Variants in SORCS1 observed in about 807,000 individuals in gnomAD.
The protein encoded by SORCS1 is VPS10 domain-containing receptor SorCS1.
In SORCS1, 60 loss-of-function variants were observed where a neutral mutation model predicts 146.1. The ratio of observed to expected loss-of-function variants is 0.41; its 90% confidence interval spans 0.33 to 0.51. The LOEUF (loss-of-function observed/expected upper bound fraction) is 0.51, where lower values mean the gene tolerates loss of function less well. SORCS1 is among the 20% of genes least tolerant of loss of function. The pLI, the probability that SORCS1 is intolerant of heterozygous loss-of-function variation, is 0.21. For missense variants in SORCS1, 1,352 were observed against 1,487.6 expected (o/e 0.91, Z 1.50); for synonymous variants, 637 against 584.0 (o/e 1.09, Z -1.31).
chr10:106,607,285 G>C lies in SORCS1; in HGVS notation c.3046C>G (p.Pro1016Ala). 1 of 1,613,996 alleles carries C rather than the reference G, an allele frequency of 6.2e-7. No individual in the cohort carries two copies. Residue 1016 changes from proline to alanine, a missense_variant, in exon 23 of 26, where the codon CCA becomes GCA. Pro to Ala is a conservative substitution (Grantham distance 27). Coordinates refer to ENST00000263054, the MANE Select transcript of SORCS1 (RefSeq NM_052918.5). ...ACCGCCACCAGGATGTGCTGGCCTG[G>C]AACCCCTGTGGCCTGAGGGACAGAC... ...KKSLVEATGV[P>A]GQHILVAVLP...
intron 2 of SORCS1, among the ~76,000 whole-genome samples, chr10:106,888,511 T>C (rs1364843137): frequency 6.6e-6 from 1 of 152,204 alleles, no homozygotes; most frequent in Non-Finnish European, 1.5e-5. Context: ...AGATGACCAA[T>C]AAATATTTCT....
chr10:106,741,627 AGAGAGAGAG>A (rs1857371788), intron 5 of SORCS1, among the ~76,000 whole-genome samples: 1 of 151,554 alleles, frequency 6.6e-6, no homozygotes, highest in African/African-American at 2.4e-5. Flanking sequence ...ATATATAGAG[AGAGAGAGAG>A]TGAGAGAGAG....
At chr10:107,150,342 C>T (rs1968681020) in intron 1 of SORCS1, among the ~76,000 whole-genome samples, 1 of 152,172 alleles carries the variant, frequency 6.6e-6, no homozygotes, top group Non-Finnish European at 1.5e-5. Context: ...GTCCGACTTC[C>T]AAAACAAAAT....
At chr10:106,667,903 C>T (rs946563107) in intron 16 of SORCS1, 101 bp from the exon 17 acceptor site, 44 of 589,998 alleles carry the variant, frequency 7.5e-5, no homozygotes, top group Non-Finnish European at 1.2e-4. Flanking sequence ...ATCAATTAGT[C>T]ATAACAAACA....
In SORCS1 at chr10:106,761,920, A is replaced by G. The variant is rs118072626; in HGVS notation, c.886-259T>C. 4.7e-4 allele frequency among the ~76,000 whole-genome samples: 72 copies of G among 152,350 alleles called. No homozygotes were observed. The East Asian group carries it at 0.013, about 27-fold the overall frequency. On this transcript the variant is annotated intron_variant, in intron 4 of 25. Transcript: ENST00000263054. ...CTTGTGAGAAATTACATGTCAAAGA[A>G]GTGGTTGAATGAACTGGAATGCACA... is the stretch of plus-strand genomic sequence containing the variant.
At chr10:106,713,429 T>A (rs1855138783) in intron 6 of SORCS1, among the ~76,000 whole-genome samples, 1 of 149,576 alleles carries the variant, frequency 6.7e-6, no homozygotes, top group Non-Finnish European at 1.5e-5. Context: ...TAGTGTCTGA[T>A]GGCTCTTTTC....
intron 1 of SORCS1, among the ~76,000 whole-genome samples, chr10:107,037,882 A>T (rs1018503246): frequency 6.6e-6 from 1 of 152,214 alleles, no homozygotes; most frequent in African/African-American, 2.4e-5. Flanking sequence ...GCTGGAGTGT[A>T]GTGGTGCGAT....
At chr10:106,639,266 G>A (rs1284337827) in intron 18 of SORCS1, among the ~76,000 whole-genome samples, 2 of 152,178 alleles carry the variant, frequency 1.3e-5, no homozygotes, top group Non-Finnish European at 2.9e-5. Context: ...TGGATGAAGT[G>A]GGACATTAGT....
chr10:106,883,417 A>AC, intron 2 of SORCS1, among the ~76,000 whole-genome samples: 1 of 144,056 alleles, frequency 6.9e-6, no homozygotes, highest in East Asian at 2.0e-4. Flanking sequence ...TAGCAAATGT[A>AC]TTTTTTTTTT....
chr10:106,930,729 C>T (rs1057414027), intron 2 of SORCS1, among the ~76,000 whole-genome samples: 1 of 152,032 alleles, frequency 6.6e-6, no homozygotes, highest in Admixed American at 6.6e-5. Context: ...GGAGTCAGAA[C>T]TTTTTCTTTT....
At chr10:106,704,278 T>C (rs1854346882) in intron 8 of SORCS1, among the ~76,000 whole-genome samples, 1 of 152,238 alleles carries the variant, frequency 6.6e-6, no homozygotes, top group South Asian at 2.1e-4. Flanking sequence ...CAGAAGCTAT[T>C]AATTTACTAA....
At chr10:106,725,275 C>T (rs1027876743) in intron 6 of SORCS1, among the ~76,000 whole-genome samples, 2 of 152,010 alleles carry the variant, frequency 1.3e-5, no homozygotes, top group Non-Finnish European at 2.9e-5. Flanking sequence ...TGGGGTCGGG[C>T]GCAGTGGCTC....
At chr10:107,021,952 G>T (rs1343826213) in intron 1 of SORCS1, among the ~76,000 whole-genome samples, 1 of 152,162 alleles carries the variant, frequency 6.6e-6, no homozygotes, top group South Asian at 2.1e-4. Flanking sequence ...AAATGATATT[G>T]TCACAAACAT....
intron 1 of SORCS1, among the ~76,000 whole-genome samples, chr10:106,976,333 G>GGTTTTTTTTTGT (rs1554901322): frequency 3.5e-5 from 4 of 113,814 alleles, no homozygotes; most frequent in South Asian, 2.7e-4. Flanking sequence ...AGGTTTTTTT[G>GGTTTTTTTTTGT]TTTTTTTTTT....
In SORCS1 at chr10:107,123,257, C is replaced by T. The variant is rs141205981; in HGVS notation, c.558+40712G>A. On this transcript the variant is annotated intron_variant, in intron 1 of 25. Transcript: ENST00000263054. ...ATTGGTACTTGTATTCACAGTTTTG[C>T]CCACATCTGATGTTGAAAGCTTAGA... 5.3e-5 allele frequency among the ~76,000 whole-genome samples: 8 copies of T among 152,250 alleles called. No homozygotes were observed. The East Asian group carries it at 1.5e-3, about 29-fold the overall frequency.
intron 2 of SORCS1, among the ~76,000 whole-genome samples, chr10:106,855,717 T>G (rs1327214764): frequency 6.6e-6 from 1 of 152,204 alleles, no homozygotes; most frequent in African/African-American, 2.4e-5. Flanking sequence ...CTAGCATTTC[T>G]TCTTGATCTT....
chr10:106,997,930 G>A (rs1360006693), intron 1 of SORCS1, among the ~76,000 whole-genome samples: 1 of 152,182 alleles, frequency 6.6e-6, no homozygotes, highest in Non-Finnish European at 1.5e-5. Flanking sequence ...GGAGAGGAAA[G>A]AGGAAGGACT....
intron 1 of SORCS1, among the ~76,000 whole-genome samples, chr10:107,072,848 A>G (rs1238185521): frequency 6.6e-6 from 1 of 151,462 alleles, no homozygotes; most frequent in Non-Finnish European, 1.5e-5. Context: ...GCTCTTAACT[A>G]CTCTATATTA....
intron 1 of SORCS1, among the ~76,000 whole-genome samples, chr10:107,137,457 A>G (rs1358834425): frequency 6.6e-6 from 1 of 152,188 alleles, no homozygotes; most frequent in Non-Finnish European, 1.5e-5. Flanking sequence ...ACTAGCCTAC[A>G]TCCCCTCCAT....
Sources: allele counts gnomAD v4.1 joint callset (sites outside exome capture counted in the v4.1 genomes callset), GRCh38; gene constraint gnomAD v4.1.1; transcripts MANE v1.5; gene names NCBI Gene and HGNC (gene_info 2026-07-23, HGNC 2026-07-21).